The following PCDHA5 variants were observed in gnomAD, a reference collection of about 807,000 sequenced individuals.
PCDHA5 encodes protocadherin alpha-5.
Under a neutral mutation model 61.6 loss-of-function variants are expected in PCDHA5, and 43 were observed. That is an observed-to-expected ratio of 0.70 (90% CI 0.55 to 0.90). The LOEUF is 0.90. PCDHA5 is among the 40% of genes least tolerant of loss of function. PCDHA5 has a pLI of 0.00. For synonymous variants in PCDHA5, 627 were observed against 543.9 expected, an observed-to-expected ratio of 1.15 and a Z score of -2.13; for missense variants, 1,298 against 1,222.7, an observed-to-expected ratio of 1.06 and a Z score of -0.92.
chr5:140,898,414 C>T (rs1554187972), intron 1 of PCDHA5, among the ~76,000 whole-genome samples: 1 of 152,170 alleles, frequency 6.6e-6, no homozygotes, highest in Non-Finnish European at 1.5e-5. Flanking sequence ...ATACGGCTAG[C>T]CAGTTTTCCC....
At chr5:140,898,984 C>T (rs1237034997) in intron 1 of PCDHA5, among the ~76,000 whole-genome samples, 3 of 151,964 alleles carry the variant, frequency 2.0e-5, no homozygotes, top group Non-Finnish European at 4.4e-5. Flanking sequence ...TGATTTGGCT[C>T]TCTGTTTGTC....
Position 140,822,217 on chromosome 5 carries a change from GA to G in PCDHA5, c.443del (p.Asp148ValfsTer6). 6.2e-7 allele frequency: 1 copy of G among 1,614,270 alleles called. No homozygotes were observed. The highest frequency in any genetic ancestry group is 8.5e-7 in the Non-Finnish European group (1 of 1,180,046). On this transcript the variant is annotated frameshift_variant, in exon 1 of 4. Transcript: ENST00000529859. LOFTEE classifies it high-confidence loss of function. The part of the protein sequence containing the change: ...RLFILESRMP[D>X]SRFPLEGASD... ...ATTCATTTTAGAGTCAAGAATGCCA[GA>G]TTCGCGGTTTCCGCTAGAGGGCGCG... is the stretch of plus-strand genomic sequence containing the variant.
intron 1 of PCDHA5, among the ~76,000 whole-genome samples, chr5:140,945,037 T>C (rs2093728945): frequency 6.6e-6 from 1 of 152,178 alleles, no homozygotes; most frequent in Non-Finnish European, 1.5e-5. Context: ...TAATTATCTT[T>C]GGTCTTATAT....
chr5:140,836,346 G>C (rs1774395733), intron 1 of PCDHA5: 1 of 1,613,696 alleles, frequency 6.2e-7, no homozygotes, highest in South Asian at 1.1e-5. Flanking sequence ...GAAGGACCAC[G>C]GGGAGCCCTC....
In PCDHA5 at chr5:140,828,051, C is replaced by T. The variant is rs2150150373; in HGVS notation, c.2352+3924C>T. On this transcript the variant is annotated intron_variant, in intron 1 of 3. Transcript: ENST00000529859. The stretch of plus-strand genomic sequence containing the variant: ...GAACATACAGTATTTTATCTTTATG[C>T]GGAAGATCTTCTAATGGAAATAAAA... The T allele has an allele frequency of 2.6e-6, 4 of 1,545,274 alleles. No individual in the cohort carries two copies. In the South Asian group the frequency reaches 3.8e-5, roughly 15 times the overall value.
chr5:140,953,410 G>A (rs1328809858), intron 1 of PCDHA5, among the ~76,000 whole-genome samples: 5 of 152,042 alleles, frequency 3.3e-5, no homozygotes, highest in Non-Finnish European at 5.9e-5. Flanking sequence ...GTTGCTCCTG[G>A]CTCCTCCCCT....
intron 1 of PCDHA5, chr5:140,875,418 G>A: frequency 6.6e-7 from 1 of 1,515,104 alleles, no homozygotes; most frequent in Non-Finnish European, 8.8e-7. Flanking sequence ...AAATACCTCA[G>A]GCAAGCGATC....
chr5:140,827,867 C>A, intron 1 of PCDHA5: 1 of 615,732 alleles, frequency 1.6e-6, no homozygotes, highest in African/African-American at 1.8e-5. Context: ...TATGGTATAG[C>A]ACTGTTACGT....
intron 1 of PCDHA5, among the ~76,000 whole-genome samples, chr5:140,895,352 G>A (rs1322887367): frequency 7.9e-5 from 12 of 151,916 alleles, no homozygotes; most frequent in African/African-American, 2.9e-4. Flanking sequence ...GCTTTCCAGT[G>A]AGTACTTATT....
intron 1 of PCDHA5, chr5:140,928,814 A>T (rs782622875): frequency 5.6e-6 from 9 of 1,614,150 alleles, no homozygotes; most frequent in Non-Finnish European, 7.6e-6. Context: ...GTTCGGGACC[A>T]TGGAGACCCA....
At chr5:140,954,889 G>C (rs2095106564) in intron 1 of PCDHA5, among the ~76,000 whole-genome samples, 1 of 152,070 alleles carries the variant, frequency 6.6e-6, no homozygotes, top group East Asian at 1.9e-4. Flanking sequence ...TTCTTCTAGG[G>C]TTTTTATAGT....
intron 1 of PCDHA5, chr5:140,863,417 G>T (rs182048002): frequency 3.6e-5 from 25 of 701,046 alleles, no homozygotes; most frequent in South Asian, 3.2e-4. Flanking sequence ...CTGGTGTACC[G>T]CAGCGTAGTG....
At chr5:140,945,034 C>T (rs1218648203) in intron 1 of PCDHA5, among the ~76,000 whole-genome samples, 1 of 152,066 alleles carries the variant, frequency 6.6e-6, no homozygotes, top group East Asian at 1.9e-4. Flanking sequence ...ACATAATTAT[C>T]TTTGGTCTTA....
At position 140,927,047 on chromosome 5, in the gene PCDHA5, C is replaced by T. The variant is rs782800214; in HGVS notation, c.2353-51902C>T. On this transcript the variant is annotated intron_variant, in intron 1 of 3. Coordinates refer to ENST00000529859, the MANE Select transcript of PCDHA5 (RefSeq NM_018908.3). ...AGGCTGCCAGCGGCCGCTATGTCCT[C>T]GCGGAACTTTCGCTTCCTTTCCAGC... The T allele has an allele frequency of 2.5e-6, 4 of 1,612,066 alleles. No homozygotes were observed. The highest frequency in any genetic ancestry group is 1.7e-5 in the Admixed American group (1 of 59,932).
chr5:140,829,861 G>C (rs2150176439), intron 1 of PCDHA5: 1 of 1,613,956 alleles, frequency 6.2e-7, no homozygotes, highest in Non-Finnish European at 8.5e-7. Context: ...CAGGCCAAGT[G>C]GTGGCGAAGG....
At chr5:140,936,571 C>G (rs2153629502) in intron 1 of PCDHA5, among the ~76,000 whole-genome samples, 1 of 152,342 alleles carries the variant, frequency 6.6e-6, no homozygotes, top group African/African-American at 2.4e-5. Flanking sequence ...ATATTTTCCA[C>G]TTGTAAATCC....
At chr5:140,964,566 G>A (rs2095840528) in intron 1 of PCDHA5, among the ~76,000 whole-genome samples, 1 of 152,168 alleles carries the variant, frequency 6.6e-6, no homozygotes, top group Non-Finnish European at 1.5e-5. Context: ...GGGCTGGGAG[G>A]AGATAAGGGG....
chr5:140,993,462 TCACA>T (rs3836747), intron 3 of PCDHA5, among the ~76,000 whole-genome samples: 18,508 of 140,892 alleles, frequency 0.13, 1,341 homozygotes, highest in African/African-American at 0.21. Flanking sequence ...TCTTTCTTTC[TCACA>T]CACACACACA....
intron 1 of PCDHA5, chr5:140,875,904 A>G: frequency 1.9e-6 from 3 of 1,614,194 alleles, no homozygotes; most frequent in Non-Finnish European, 2.5e-6. Context: ...CTGTTTCTGA[A>G]TCTGCGCCTC....
Sources: gnomAD v4.1 joint callset for allele counts (sites outside exome capture counted in the v4.1 genomes callset) on GRCh38, gnomAD v4.1.1 for gene constraint, MANE v1.5 for transcripts, NCBI Gene and HGNC (gene_info 2026-07-23, HGNC 2026-07-21) for gene names.